Variants in WDPCP observed in about 807,000 individuals in gnomAD.
WDPCP encodes WD repeat containing planar cell polarity effector, also known as WD repeat-containing and planar cell polarity effector protein fritz homolog.
Under a neutral mutation model 93.1 loss-of-function variants are expected in WDPCP, and 71 were observed. That is an observed-to-expected ratio of 0.76 (90% confidence interval 0.63 to 0.93). The LOEUF is 0.93. Ranked by LOEUF, WDPCP falls within the 40% of genes least tolerant of loss-of-function variation. The probability of loss-of-function intolerance (pLI) is 0.00; values close to 1 mark genes in which losing one functional copy is unlikely to be tolerated. For synonymous variants in WDPCP, 315 were observed against 315.0 expected (o/e 1.00, Z 0.00); for missense variants, 844 against 887.4 (o/e 0.95, Z 0.62).
rs1044677221 is a variant in WDPCP, at chr2:63,338,672, G to A, written c.1749-25361C>T. ...ATTATATGTACTTGGTGTCTGTATCGCAAATGACTTGTCTATAAAAGTGTG... is the reference window on the plus strand; with the variant it reads ...ATTATATGTACTTGGTGTCTGTATCACAAATGACTTGTCTATAAAAGTGTG... On this transcript the variant is annotated intron_variant, in intron 12 of 17. Transcript: ENST00000272321. Among the ~76,000 whole-genome samples the A allele has an allele frequency of 5.1e-5, 7 of 137,006 alleles. No homozygotes were observed. The East Asian group carries it at 6.3e-4, about 12-fold the overall frequency. 89.9% of individuals were successfully genotyped at this position (137,006 alleles called of 152,430 possible). A position where few individuals can be genotyped will look rare whatever the true frequency, so the allele number is the denominator to read the frequency against.
At chr2:63,834,502 G>A in the WDPCP span, among the ~76,000 whole-genome samples, 10 of 152,064 alleles carry the variant, frequency 6.6e-5, no homozygotes, top group African/African-American at 1.9e-4. Context: ...CTAATTATAT[G>A]TTTTGAATGA....
chr2:63,544,027 A>C (rs969873286), intron 1 of WDPCP, among the ~76,000 whole-genome samples: 32 of 152,198 alleles, frequency 2.1e-4, no homozygotes, highest in African/African-American at 7.7e-4. Context: ...TTCTAGTGTA[A>C]ATCACAAGAT....
chr2:63,378,921 G>A (rs1460349296), intron 11 of WDPCP, among the ~76,000 whole-genome samples: 1 of 152,126 alleles, frequency 6.6e-6, no homozygotes, highest in East Asian at 1.9e-4. Flanking sequence ...AATCGATATA[G>A]CAGAAATGTT....
At chr2:63,691,549 C>T (rs1285089361) in intron 2 of WDPCP, among the ~76,000 whole-genome samples, 3 of 152,052 alleles carry the variant, frequency 2.0e-5, no homozygotes, top group Non-Finnish European at 2.9e-5. Context: ...GTGAAAGAAT[C>T]GCTTGAACCT....
At chr2:63,582,325 G>A (rs984509369) in intron 1 of WDPCP, among the ~76,000 whole-genome samples, 1 of 151,974 alleles carries the variant, frequency 6.6e-6, no homozygotes, top group Admixed American at 6.6e-5. Flanking sequence ...TAAAAAACTG[G>A]TGTCCTTGAA....
intron 12 of WDPCP, among the ~76,000 whole-genome samples, chr2:63,375,178 A>C (rs1429216987): frequency 2.0e-5 from 3 of 151,996 alleles, no homozygotes; most frequent in African/African-American, 7.2e-5. Context: ...TTGCCCTTTC[A>C]TTTCATCAAT....
At chr2:63,300,070 T>A (rs1012259097) in intron 13 of WDPCP, among the ~76,000 whole-genome samples, 1 of 152,024 alleles carries the variant, frequency 6.6e-6, no homozygotes. Flanking sequence ...ATGGAACCAA[T>A]CTATGAGCCC....
intron 14 of WDPCP, among the ~76,000 whole-genome samples, chr2:63,238,237 A>C (rs770537993): frequency 1.5e-4 from 23 of 152,156 alleles, no homozygotes; most frequent in Non-Finnish European, 2.2e-4. Context: ...TGATTCTACA[A>C]TATAAGCTAG....
At chr2:63,416,154 G>T (rs557568856) in intron 9 of WDPCP, among the ~76,000 whole-genome samples, 2 of 151,214 alleles carry the variant, frequency 1.3e-5, no homozygotes, top group Non-Finnish European at 2.9e-5. Flanking sequence ...AAGATAAAAA[G>T]GAAAACTAAG....
chr2:63,491,629 T>G (rs1322992178), intron 2 of WDPCP, among the ~76,000 whole-genome samples: 2 of 152,174 alleles, frequency 1.3e-5, no homozygotes, highest in Non-Finnish European at 2.9e-5. Context: ...CTGTTTTCAG[T>G]TCAGCAGGTC....
intron 12 of WDPCP, among the ~76,000 whole-genome samples, chr2:63,326,594 G>A (rs559989297): frequency 2.6e-5 from 4 of 151,876 alleles, no homozygotes; most frequent in Non-Finnish European, 5.9e-5. Context: ...GTCAAAGAAG[G>A]AAAGAGAGAA....
chr2:63,216,340 A>C (rs984542410), intron 14 of WDPCP, among the ~76,000 whole-genome samples: 6 of 152,248 alleles, frequency 3.9e-5, no homozygotes, highest in African/African-American at 1.4e-4. Context: ...GGATTAAGAA[A>C]ATGTGGCACA....
chr2:63,834,849 C>T, the WDPCP span, among the ~76,000 whole-genome samples: 1 of 152,136 alleles, frequency 6.6e-6, no homozygotes, highest in Non-Finnish European at 1.5e-5. Context: ...ACTCTGATTT[C>T]GTAGACATCG....
intron 14 of WDPCP, among the ~76,000 whole-genome samples, chr2:63,231,464 T>A (rs887209377): frequency 2.0e-5 from 3 of 152,168 alleles, no homozygotes; most frequent in Non-Finnish European, 2.9e-5. Flanking sequence ...CTTAAGCTGA[T>A]AAGCAACTTC....
At chr2:63,727,451 T>C (rs556854301) in intron 2 of WDPCP, among the ~76,000 whole-genome samples, 2 of 152,308 alleles carry the variant, frequency 1.3e-5, no homozygotes, top group Admixed American at 1.3e-4. Flanking sequence ...AGTTTGCTGG[T>C]ATTTTGTTGA....
chr2:63,588,932 C>G (rs534258590), upstream of WDPCP: 43 of 1,476,784 alleles, frequency 2.9e-5, no homozygotes, highest in African/African-American at 5.1e-4. Context: ...GGGAGCGGAG[C>G]CTTTTCTCGC....
intron 12 of WDPCP, among the ~76,000 whole-genome samples, chr2:63,366,741 T>C (rs1298165042): frequency 6.6e-6 from 1 of 152,124 alleles, no homozygotes; most frequent in South Asian, 2.1e-4. Context: ...TCCCTTCTTA[T>C]CAAATACCTC....
the WDPCP span, among the ~76,000 whole-genome samples, chr2:63,834,211 AGTCT>A: frequency 2.0e-5 from 3 of 152,196 alleles, no homozygotes; most frequent in African/African-American, 7.2e-5. Context: ...AACGTCTCTC[AGTCT>A]GTCTGTGATG....
At chr2:63,322,996 T>A (rs928591262) in intron 12 of WDPCP, among the ~76,000 whole-genome samples, 21 of 152,232 alleles carry the variant, frequency 1.4e-4, no homozygotes, top group African/African-American at 4.8e-4. Context: ...AATCCCTGAC[T>A]CTTCAGAGTT....
Sources: allele counts gnomAD v4.1 joint callset (sites outside exome capture counted in the v4.1 genomes callset), GRCh38; gene constraint gnomAD v4.1.1; transcripts MANE v1.5; gene names NCBI Gene and HGNC (gene_info 2026-07-23, HGNC 2026-07-21).